The following ASIC4 variants were observed in gnomAD, a reference collection of about 807,000 sequenced individuals.
The protein encoded by ASIC4 is acid-sensing ion channel 4.
Under a neutral mutation model 53.4 loss-of-function variants are expected in ASIC4, and 28 were observed. The observed-to-expected ratio is 0.52, with a 90% CI of 0.39 to 0.72. The LOEUF (loss-of-function observed/expected upper bound fraction) is 0.72, where lower values mean the gene tolerates loss of function less well. ASIC4 is among the 30% of genes least tolerant of loss of function. The pLI, the probability that ASIC4 is intolerant of heterozygous loss-of-function variation, is 0.00. For missense variants in ASIC4, 649 were observed against 729.7 expected, an observed-to-expected ratio of 0.89 and a Z score of 1.27; for synonymous variants, 289 against 301.4, an observed-to-expected ratio of 0.96 and a Z score of 0.43.
intron 1 of ASIC4, among the ~76,000 whole-genome samples, chr2:219,520,805 G>C (rs77077691): frequency 5.3e-5 from 8 of 152,290 alleles, no homozygotes; most frequent in African/African-American, 9.6e-5. Flanking sequence ...AGGTTGGGGT[G>C]GGGGGATACA....
chr2:219,515,112 G>A lies in ASIC4; in HGVS notation c.388G>A (p.Asp130Asn). 2.5e-6 allele frequency: 4 copies of A among 1,614,088 alleles called. No individual in the cohort carries two copies. The highest frequency in any genetic ancestry group is 1.7e-5 in the Admixed American group (1 of 60,026). The change falls in exon 1 of 10, where the codon GAT (aspartate) becomes AAT (asparagine). Residue 130 changes from aspartate to asparagine, a missense_variant. Coordinates refer to ENST00000358078, the MANE Select transcript of ASIC4 (RefSeq NM_018674.6). ...CCGCTTCCGGCATTCGGCACTCAGC[G>A]ATGCCGACATCTTCCACCTGGCCAA... ...INRFRHSALSDADIFHLANLT... is the reference protein window; with the variant it reads ...INRFRHSALSNADIFHLANLT...
In ASIC4 at chr2:219,531,827, G is replaced by A. The variant is rs149560786; in HGVS notation, c.652G>A (p.Gly218Arg). 2 of 1,613,606 alleles carry A rather than the reference G, an allele frequency of 1.2e-6. No individual in the cohort carries two copies. Among genetic ancestry groups the A allele is most frequent in the Admixed American group, 1.7e-5 (1 of 59,936 alleles). Reference sequence around the variant, plus strand: ...GCGGAGCTCGCTGCCCAGCCGGGCAGGGGGCATGGGCAGTGGCCTGGAGAT... The same window carrying A: ...GCGGAGCTCGCTGCCCAGCCGGGCAAGGGGCATGGGCAGTGGCCTGGAGAT... ...DPRSSLPSRA[G>R]GMGSGLEIML... Residue 218 changes from glycine (G) to arginine (R), a missense_variant, in exon 2 of 10, where the codon GGG becomes AGG. Physicochemically the swap from Gly to Arg is moderately radical, Grantham distance 125 (BLOSUM62 -2). Coordinates refer to ENST00000358078, the MANE Select transcript of ASIC4 (RefSeq NM_018674.6).
chr2:219,533,087 G>A (rs548586461), intron 5 of ASIC4, 148 bp downstream of exon 5: 3 of 876,140 alleles, frequency 3.4e-6, no homozygotes, highest in African/African-American at 3.3e-5. Context: ...CTTCAGTGGG[G>A]TTGGGGAGAG....
chr2:219,533,029 C>T, intron 5 of ASIC4, 90 bp downstream of exon 5: 14 of 1,362,994 alleles, frequency 1.0e-5, no homozygotes, highest in Non-Finnish European at 1.5e-5. Context: ...CCTCCCCTCC[C>T]AATCTCTTCC....
chr2:219,536,873 T>C lies in ASIC4; in HGVS notation c.1230-193T>C, dbSNP rs1382551345. Among the ~76,000 whole-genome samples, 1 of 152,094 alleles carries C rather than the reference T, an allele frequency of 6.6e-6. No individual in the cohort carries two copies. Among genetic ancestry groups the C allele is most frequent in the Non-Finnish European group, 1.5e-5 (1 of 68,012 alleles). On this transcript the variant is annotated intron_variant, in intron 6 of 9. Coordinates refer to ENST00000358078, the MANE Select transcript of ASIC4 (RefSeq NM_018674.6). The surrounding 1 kb of genome is among the most constrained non-coding windows in gnomAD (Gnocchi z 4.6). ...GTTGTGTTTTGCTCTCCCAGGCCCTTTGCTACCCCTCAAAAGATGAAGCTA... is the reference window on the plus strand; with the variant it reads ...GTTGTGTTTTGCTCTCCCAGGCCCTCTGCTACCCCTCAAAAGATGAAGCTA...
chr2:219,535,557 ATG>A (rs777351667), intron 6 of ASIC4, among the ~76,000 whole-genome samples: 6 of 150,100 alleles, frequency 4.0e-5, no homozygotes, highest in Non-Finnish European at 7.4e-5. Flanking sequence ...TGAGTGTGTG[ATG>A]TGTGTGTGCA....
Position 219,519,146 on chromosome 2 carries a change from C to T in ASIC4, c.582+3840C>T, listed in dbSNP as rs191185444. ...GTCTCGATCTCCTGACCTCGTGATC[C>T]GCCCGCCTTGGCCTCCCAAAGTGCT... On this transcript the variant is annotated intron_variant, in intron 1 of 9. Coordinates refer to ENST00000358078, the MANE Select transcript of ASIC4 (RefSeq NM_018674.6). 5.9e-5 allele frequency among the ~76,000 whole-genome samples: 9 copies of T among 152,224 alleles called. No homozygotes were observed. The East Asian group carries it at 1.2e-3, about 20-fold the overall frequency.
upstream of ASIC4, among the ~76,000 whole-genome samples, chr2:219,510,165 A>T (rs931723556): frequency 1.4e-4 from 21 of 151,392 alleles, no homozygotes; most frequent in African/African-American, 4.6e-4. This position sits in a 1 kb window ranked among gnomAD's most constrained non-coding sequence, Gnocchi z 5.2. Context: ...CCTTGGCCCT[A>T]GTGTCTTGCC....
chr2:219,531,451 C>T (rs1559118831), intron 1 of ASIC4, among the ~76,000 whole-genome samples: 2 of 151,840 alleles, frequency 1.3e-5, no homozygotes, highest in African/African-American at 4.8e-5. Context: ...TCAGAAATTC[C>T]GACTTGAGAA....
In ASIC4 at chr2:219,538,083, ACCCC is replaced by A; in HGVS notation, c.*38_*41del. 3 of 1,527,520 alleles carry A rather than the reference ACCCC, an allele frequency of 2.0e-6. No homozygotes were observed. Among genetic ancestry groups the A allele is most frequent in the Non-Finnish European group, 2.7e-6 (3 of 1,111,690 alleles). 94.6% of individuals were successfully genotyped at this position (1,527,520 alleles called of 1,614,324 possible). On this transcript the variant is annotated 3_prime_UTR_variant, in exon 10 of 10. Transcript: ENST00000358078. ...GACTGAAAGGACCCAGGAGTCTGGG[ACCCC>A]TCCTGGGATCCCCAGCACATTCTCC... is the stretch of plus-strand genomic sequence containing the variant.
chr2:219,530,832 G>A (rs577810701), intron 1 of ASIC4, among the ~76,000 whole-genome samples: 3 of 152,336 alleles, frequency 2.0e-5, no homozygotes, highest in Admixed American at 2.0e-4. Flanking sequence ...GGGCACTTTT[G>A]GGTTAGGGAA....
At chr2:219,514,469 CAAG>C (rs1694745927), upstream of ASIC4, 2 of 1,550,390 alleles carry the variant, frequency 1.3e-6, no homozygotes, top group African/African-American at 1.4e-5. Context: ...AGGGAAGCCA[CAAG>C]GAGACGATCG....
chr2:219,509,862 G>T (rs901575212), upstream of ASIC4, among the ~76,000 whole-genome samples: 1 of 152,118 alleles, frequency 6.6e-6, no homozygotes, highest in Non-Finnish European at 1.5e-5. The surrounding 1 kb of genome is among the most constrained non-coding windows in gnomAD (Gnocchi z 5.2). Context: ...CCTCAAGGGG[G>T]TGCTGTGTGT....
intron 1 of ASIC4, among the ~76,000 whole-genome samples, chr2:219,522,457 G>T (rs1694901575): frequency 6.7e-6 from 1 of 148,406 alleles, no homozygotes. Context: ...GGTGGGGTCG[G>T]CCCCTCCCCA....
chr2:219,528,412 C>T (rs773999203), intron 1 of ASIC4, among the ~76,000 whole-genome samples: 13 of 151,974 alleles, frequency 8.6e-5, no homozygotes, highest in South Asian at 4.1e-4. Context: ...TTAGTAGAGA[C>T]GGGAGTTTCA....
intron 1 of ASIC4, among the ~76,000 whole-genome samples, chr2:219,515,638 C>G (rs901412210): frequency 1.3e-5 from 2 of 152,228 alleles, no homozygotes; most frequent in African/African-American, 4.8e-5. Context: ...GGAACGCACG[C>G]ACCATCCCAA....
Position 219,537,238 on chromosome 2 carries a change from C to A in ASIC4, c.1322-4C>A, listed in dbSNP as rs1016962510. 1 of 1,613,258 alleles carries A rather than the reference C, an allele frequency of 6.2e-7. No homozygotes were observed. Among genetic ancestry groups the A allele is most frequent in the Non-Finnish European group, 8.5e-7 (1 of 1,179,568 alleles). The stretch of plus-strand genomic sequence containing the variant: ...CCCTCTGACACTGCTCTCCTGCTTC[C>A]CAGGAGACCTCGGGGGACAGATGGG... On this transcript the variant is annotated splice_region_variant and splice_polypyrimidine_tract_variant and intron_variant, in intron 7 of 9. Transcript: ENST00000358078. The surrounding 1 kb of genome is among the most constrained non-coding windows in gnomAD (Gnocchi z 4.9).
Position 219,535,234 on chromosome 2 carries a change from A to G in ASIC4, c.1139A>G (p.Tyr380Cys). The change falls in exon 6 of 10, where the codon TAT becomes TGT. Residue 380 changes from tyrosine (Y) to cysteine (C), a missense_variant. Physicochemically the swap from Tyr to Cys is radical, Grantham distance 194 (BLOSUM62 -2). Transcript: ENST00000358078. ...CCCACCCCCTGCAACCTGACACGCT[A>G]TGGGAAAGAGATCTCCATGGTCAGG... The part of the protein sequence containing the change: ...FCPTPCNLTR[Y>C]GKEISMVRIP... 1 of 1,613,874 alleles carries G rather than the reference A, an allele frequency of 6.2e-7. No individual in the cohort carries two copies. The highest frequency in any genetic ancestry group is 1.1e-5 in the South Asian group (1 of 91,068).
chr2:219,520,868 C>T (rs932778718), intron 1 of ASIC4, among the ~76,000 whole-genome samples: 13 of 152,230 alleles, frequency 8.5e-5, no homozygotes, highest in African/African-American at 2.7e-4. Flanking sequence ...TCTTGAAGGA[C>T]GCAGCTGCTT....
Sources: gnomAD v4.1 joint callset for allele counts (sites outside exome capture counted in the v4.1 genomes callset) on GRCh38, gnomAD v4.1.1 for gene constraint, Gnocchi (gnomAD v3.1) non-coding constraint, MANE v1.5 for transcripts, NCBI Gene and HGNC (gene_info 2026-07-23, HGNC 2026-07-21) for gene names.